GSK3B: variants seen among roughly 807,000 people sequenced by gnomAD.
GSK3B encodes glycogen synthase kinase-3 beta.
A neutral mutation model predicts 56.4 loss-of-function variants in GSK3B; 15 were observed. The observed-to-expected ratio is 0.27, with a 90% CI of 0.18 to 0.41. The LOEUF (loss-of-function observed/expected upper bound fraction) is 0.41, where lower values mean the gene tolerates loss of function less well. Among genes scored for constraint, GSK3B ranks in the 10% least tolerant of loss-of-function variants. The probability of loss-of-function intolerance (pLI) is 1.00; values close to 1 mark genes in which losing one functional copy is unlikely to be tolerated. For missense variants in GSK3B, 300 were observed against 513.4 expected (o/e 0.58, Z 4.02); for synonymous variants, 181 against 188.9 (o/e 0.96, Z 0.34).
At chr3:120,082,382 GTTCTTTT>G (rs2058427196) in intron 1 of GSK3B, among the ~76,000 whole-genome samples, 8 of 72,512 alleles carry the variant, frequency 1.1e-4, no homozygotes, top group African/African-American at 4.5e-4. Flanking sequence ...AAATTAGTAT[GTTCTTTT>G]TTTTTTTTTT....
intron 1 of GSK3B, among the ~76,000 whole-genome samples, chr3:120,087,383 T>A (rs1244647393): frequency 2.0e-5 from 3 of 151,996 alleles, no homozygotes; most frequent in Non-Finnish European, 4.4e-5. Flanking sequence ...ATACAAAAAA[T>A]TAGCCAGGTG....
intron 1 of GSK3B, among the ~76,000 whole-genome samples, chr3:120,090,574 T>C (rs2058503202): frequency 6.6e-6 from 1 of 152,188 alleles, no homozygotes; most frequent in African/African-American, 2.4e-5. Context: ...AATATTCCAC[T>C]TCAGTCCAGT....
chr3:120,006,062 A>C (rs1453424710), intron 1 of GSK3B, among the ~76,000 whole-genome samples: 1 of 152,186 alleles, frequency 6.6e-6, no homozygotes, highest in Non-Finnish European at 1.5e-5. Context: ...CATAGGCTCA[A>C]AATAAAGGGA....
intron 2 of GSK3B, among the ~76,000 whole-genome samples, chr3:119,971,864 G>C (rs149176944): frequency 0.1 from 15,740 of 151,678 alleles, 900 homozygotes; most frequent in African/African-American, 0.16. Flanking sequence ...GCCCGCCTCG[G>C]CCTCCCAAAG....
In GSK3B at chr3:120,094,413, G is replaced by T. The variant is rs1292674264; in HGVS notation, c.-979C>A. 6.3e-6 allele frequency: 2 copies of T among 318,508 alleles called. No individual in the cohort carries two copies. Among genetic ancestry groups the T allele is most frequent in the South Asian group, 4.0e-5 (1 of 24,752 alleles). The allele number at this position is 318,508 out of a possible 1,614,324, so 19.7% of individuals were successfully genotyped here. The stretch of plus-strand genomic sequence containing the variant: ...GGCGGCGGCGGCGGCGGCGGCACAA[G>T]CCCGCATTCGCCCGGGTCAGGAGCT... On this transcript the variant is annotated 5_prime_UTR_variant, in exon 1 of 11. Coordinates refer to ENST00000264235, the MANE Select transcript of GSK3B (RefSeq NM_001146156.2).
intron 8 of GSK3B, among the ~76,000 whole-genome samples, chr3:119,874,406 A>G (rs2056284644): frequency 6.6e-6 from 1 of 152,082 alleles, no homozygotes; most frequent in Non-Finnish European, 1.5e-5. Flanking sequence ...AATAATATCT[A>G]TAATAAAATA....
rs17246730 is a variant in GSK3B, at chr3:119,923,499, T to C, written c.367-16A>G. On this transcript the variant is annotated splice_polypyrimidine_tract_variant and intron_variant, in intron 3 of 10. Transcript: ENST00000264235. ...CCTCATCTTTCTGAAAGAGTTTATT[T>C]AAAAAAACAAAAAACAAAACAGATT... 5.9e-6 allele frequency: 8 copies of C among 1,348,788 alleles called. No individual in the cohort carries two copies. The African/African-American group carries it at 1.2e-4, about 20-fold the overall frequency. 83.6% of individuals were successfully genotyped at this position (1,348,788 alleles called of 1,614,324 possible). A position where few individuals can be genotyped will look rare whatever the true frequency, so the allele number is the denominator to read the frequency against.
rs1250581615 is a variant in GSK3B, at chr3:119,946,247, T to C, written c.366+1021A>G. Among the ~76,000 whole-genome samples the C allele has an allele frequency of 3.3e-5, 5 of 152,240 alleles. No individual in the cohort carries two copies. In the East Asian group the frequency reaches 9.6e-4, roughly 29 times the overall value. On this transcript the variant is annotated intron_variant, in intron 3 of 10. Transcript: ENST00000264235. ...GGCTTAATACATTGACATCTTCCTA[T>C]ATAATAGGCACTGTAATGTAAAAAG...
At chr3:120,090,786 A>G (rs1167167264) in intron 1 of GSK3B, among the ~76,000 whole-genome samples, 1 of 152,194 alleles carries the variant, frequency 6.6e-6, no homozygotes, top group African/African-American at 2.4e-5. Flanking sequence ...CAATAAATCC[A>G]GATCTCTTCT....
chr3:119,983,079 C>T (rs2057480113), intron 2 of GSK3B, among the ~76,000 whole-genome samples: 1 of 152,114 alleles, frequency 6.6e-6, no homozygotes, highest in Admixed American at 6.6e-5. Flanking sequence ...GAATTTTCAA[C>T]CCAGAATCTC....
intron 6 of GSK3B, among the ~76,000 whole-genome samples, chr3:119,909,573 A>G (rs1249166065): frequency 6.6e-6 from 1 of 152,208 alleles, no homozygotes; most frequent in African/African-American, 2.4e-5. Flanking sequence ...AAGGTCAATA[A>G]TGATTAAAGC....
intron 8 of GSK3B, among the ~76,000 whole-genome samples, chr3:119,873,272 T>A (rs376203653): frequency 3.2e-4 from 49 of 152,180 alleles, no homozygotes; most frequent in African/African-American, 1.1e-3. Context: ...CACACCTGTA[T>A]CCCCTTACCT....
At chr3:120,058,353 A>C (rs922059588) in intron 1 of GSK3B, among the ~76,000 whole-genome samples, 6 of 152,182 alleles carry the variant, frequency 3.9e-5, no homozygotes, top group African/African-American at 7.2e-5. Context: ...CTCCAAACTA[A>C]GTATTCAAAA....
chr3:120,025,313 G>A (rs2057913562), intron 1 of GSK3B, among the ~76,000 whole-genome samples: 1 of 152,122 alleles, frequency 6.6e-6, no homozygotes, highest in Admixed American at 6.5e-5. Context: ...ATATCTTCTG[G>A]AGGGCTGTTT....
At chr3:119,922,204 A>AGGAGGGAAGGAAGGAAGGAG (rs1559837818) in intron 4 of GSK3B, among the ~76,000 whole-genome samples, 11 of 121,054 alleles carry the variant, frequency 9.1e-5, no homozygotes, top group African/African-American at 3.7e-4. Flanking sequence ...TAGGTAGGGA[A>AGGAGGGAAGGAAGGAAGGAG]GGAGGGAAGG....
intron 3 of GSK3B, 22 bp from the exon 4 acceptor site, chr3:119,923,505 A>G: frequency 8.5e-7 from 1 of 1,171,268 alleles, no homozygotes; most frequent in South Asian, 1.4e-5. Flanking sequence ...TATTTAAAAA[A>G]ACAAAAAACA....
Position 119,955,665 on chromosome 3 carries a change from T to C in GSK3B, c.283-8314A>G, listed in dbSNP as rs1194789543. On this transcript the variant is annotated intron_variant, in intron 2 of 10. Transcript: ENST00000264235. ...GCTTTTGTTTTTGTTGTTGTTGTTG[T>C]TGTTTTGAGACAGAGTCTCACTCTG... is the stretch of plus-strand genomic sequence containing the variant. Among the ~76,000 whole-genome samples the C allele has an allele frequency of 9.2e-5, 14 of 151,694 alleles. 1 individual carries two copies. The highest frequency in any genetic ancestry group is 6.6e-5 in the Admixed American group (1 of 15,236).
chr3:120,046,993 T>C (rs1368491892), intron 1 of GSK3B, among the ~76,000 whole-genome samples: 1 of 152,186 alleles, frequency 6.6e-6, no homozygotes, highest in Non-Finnish European at 1.5e-5. Flanking sequence ...GAGCTAAATT[T>C]GACAGACAGG....
At chr3:119,961,763 T>G (rs1162023664) in intron 2 of GSK3B, among the ~76,000 whole-genome samples, 1 of 152,160 alleles carries the variant, frequency 6.6e-6, no homozygotes, top group African/African-American at 2.4e-5. Context: ...AGTCACTGAC[T>G]TGATGGTTCA....
Sources: allele counts gnomAD v4.1 joint callset (sites outside exome capture counted in the v4.1 genomes callset), GRCh38; gene constraint gnomAD v4.1.1; transcripts MANE v1.5; gene names NCBI Gene and HGNC (gene_info 2026-07-23, HGNC 2026-07-21).